The following HIVEP2 variants were observed in gnomAD, a reference collection of about 807,000 sequenced individuals.
HIVEP2 encodes transcription factor HIVEP2.
HIVEP2 carries 14 observed loss-of-function variants against 180.7 expected under a neutral mutation model. That is an observed-to-expected ratio of 0.08 (90% confidence interval 0.05 to 0.12). The LOEUF (loss-of-function observed/expected upper bound fraction) is 0.12. HIVEP2 is among the 10% of genes least tolerant of loss of function. The pLI is 1.00. For synonymous variants in HIVEP2, 1,184 were observed against 1,136.4 expected, an observed-to-expected ratio of 1.04 and a Z score of -0.84; for missense variants, 2,579 against 3,008.5, an observed-to-expected ratio of 0.86 and a Z score of 3.34.
Position 142,772,976 on chromosome 6 carries a change from C to A in HIVEP2, c.1763G>T (p.Arg588Leu). The change falls in exon 5 of 10, where the codon CGC becomes CTC. Residue 588 changes from arginine (R) to leucine (L), a missense_variant. By Grantham distance (102) the Arg-to-Leu change is moderately radical. Around this residue, in one of 11 missense-constraint regions of HIVEP2, gnomAD observed 524 missense variants for 563.6 expected, o/e 0.93. Transcript: ENST00000367603. This position sits in a 1 kb window ranked among gnomAD's most constrained non-coding sequence, Gnocchi z 4.9. ...AAATGCCGCTTGTCTTCTTAGCATG[C>A]GCTGAGGGGGTATGCCCACGGTCCC... is the stretch of plus-strand genomic sequence containing the variant. ...YPGTVGIPPQRMLRRQAAFEL... is the reference protein window; with the variant it reads ...YPGTVGIPPQLMLRRQAAFEL... 1.2e-6 allele frequency: 2 copies of A among 1,614,148 alleles called. No individual in the cohort carries two copies. The highest frequency in any genetic ancestry group is 8.5e-7 in the Non-Finnish European group (1 of 1,180,042).
Position 142,770,937 on chromosome 6 carries a change from G to T in HIVEP2, c.3802C>A (p.Pro1268Thr), listed in dbSNP as rs775832228. 5 of 1,614,082 alleles carry T rather than the reference G, an allele frequency of 3.1e-6. No homozygotes were observed. The highest frequency in any genetic ancestry group is 1.3e-5 in the African/African-American group (1 of 74,934). The change falls in exon 5 of 10, where the codon CCT becomes ACT. Residue 1268 changes from proline to threonine, a missense_variant. Pro to Thr is a conservative substitution (Grantham distance 38, BLOSUM62 -1). Transcript: ENST00000367603. This position sits in a 1 kb window ranked among gnomAD's most constrained non-coding sequence, Gnocchi z 4.7. ...TCTTTCGTGTGTGCATACTCAGCAG[G>T]TTTCTTTCCAGTGTGCTCTGCCACA... ...EHVAEHTGKK[P>T]AEYAHTKEQT...
chr6:142,915,849 C>CT (rs1490780535), intron 1 of HIVEP2, among the ~76,000 whole-genome samples: 5 of 152,212 alleles, frequency 3.3e-5, no homozygotes, highest in Non-Finnish European at 5.9e-5. Context: ...CTCCTATGAT[C>CT]AACTGACTAC....
intron 2 of HIVEP2, among the ~76,000 whole-genome samples, chr6:142,834,211 T>A (rs930482906): frequency 6.6e-6 from 1 of 152,054 alleles, no homozygotes; most frequent in Non-Finnish European, 1.5e-5. Context: ...AAAAAACATA[T>A]AAAGGCATAT....
intron 1 of HIVEP2, among the ~76,000 whole-genome samples, chr6:142,921,356 C>T (rs1361756181): frequency 1.3e-5 from 2 of 152,180 alleles, no homozygotes; most frequent in East Asian, 1.9e-4. Flanking sequence ...GCCAACATGG[C>T]GAAACCTGTC....
chr6:142,902,320 C>A (rs1231001544), intron 1 of HIVEP2, among the ~76,000 whole-genome samples: 1 of 145,326 alleles, frequency 6.9e-6, no homozygotes, highest in Non-Finnish European at 1.5e-5. Context: ...TGGTATTCTG[C>A]CCCCAAAACC....
chr6:142,779,026 A>T (rs1244786197), intron 3 of HIVEP2, among the ~76,000 whole-genome samples: 1 of 152,228 alleles, frequency 6.6e-6, no homozygotes, highest in Non-Finnish European at 1.5e-5. Context: ...TTAAGTATTA[A>T]TGAGAACAGC....
chr6:142,944,081 G>A (rs1778243220), intron 1 of HIVEP2, among the ~76,000 whole-genome samples: 1 of 152,138 alleles, frequency 6.6e-6, no homozygotes, highest in South Asian at 2.1e-4. Context: ...TTAGTTAGAT[G>A]CTTTTAAGTC....
In HIVEP2 at chr6:142,769,571, G is replaced by A. The variant is rs1449961745; in HGVS notation, c.5168C>T (p.Ala1723Val). Residue 1723 changes from alanine (A) to valine (V), a missense_variant, in exon 5 of 10, where the codon GCT (alanine) becomes GTT (valine). Around this residue, in one of 11 missense-constraint regions of HIVEP2, gnomAD observed 349 missense variants for 367.2 expected, o/e 0.95. Coordinates refer to ENST00000367603, the MANE Select transcript of HIVEP2 (RefSeq NM_006734.4). ...PGTGKLTSSS[A>V]WKQFTQMKPD... ...TGTTACCTGAGTAAACTGCTTCCAA[G>A]CACTTGATGATGTAAGCTTGCCGGT... 1 of 1,614,008 alleles carries A rather than the reference G, an allele frequency of 6.2e-7. No homozygotes were observed. The highest frequency in any genetic ancestry group is 2.2e-5 in the East Asian group (1 of 44,882).
intron 1 of HIVEP2, among the ~76,000 whole-genome samples, chr6:142,864,197 T>C (rs1364172902): frequency 6.6e-6 from 1 of 152,132 alleles, no homozygotes; most frequent in Non-Finnish European, 1.5e-5. Flanking sequence ...AACTAAAACC[T>C]GCCTTGGCTC....
At position 142,771,640 on chromosome 6, in the gene HIVEP2, C is replaced by G; in HGVS notation, c.3099G>C (p.Glu1033Asp). The change falls in exon 5 of 10, where the codon GAG becomes GAC. Residue 1033 changes from glutamate (E) to aspartate (D), a missense_variant. Physicochemically the swap from Glu to Asp is conservative, Grantham distance 45 (BLOSUM62 2). Coordinates refer to ENST00000367603, the MANE Select transcript of HIVEP2 (RefSeq NM_006734.4). This position sits in a 1 kb window ranked among gnomAD's most constrained non-coding sequence, Gnocchi z 5.4. ...CCGCTGGGTGAGGACAAGGCATCTG[C>G]TCTGATGAGCAGCGTCGCATCTCTT... Reference protein sequence around the residue: ...HQKEMRRCSSEQMPCPHPAEV... With the variant: ...HQKEMRRCSSDQMPCPHPAEV... 6.2e-7 allele frequency: 1 copy of G among 1,614,220 alleles called. No individual in the cohort carries two copies. The highest frequency in any genetic ancestry group is 8.5e-7 in the Non-Finnish European group (1 of 1,180,048).
rs34302526 is a variant in HIVEP2 at position 142,934,652 on chromosome 6, TAA to T, written c.-641+10445_-641+10446del. Among the ~76,000 whole-genome samples the T allele has an allele frequency of 4.4e-3, 673 of 152,218 alleles. 8 individuals carry two copies. The highest frequency in any genetic ancestry group is 0.016 in the African/African-American group (645 of 41,518). Reference sequence around the variant, plus strand: ...TAAGCATCAGCAGAAGAAAGAAAAATAAGTTTGATAACTATTCCATGGATAAT... The same window carrying T: ...TAAGCATCAGCAGAAGAAAGAAAAATGTTTGATAACTATTCCATGGATAAT... On this transcript the variant is annotated intron_variant, in intron 1 of 9. Transcript: ENST00000367603.
In HIVEP2 at chr6:142,771,218, G is replaced by T. The variant is rs760522914; in HGVS notation, c.3521C>A (p.Pro1174Gln). ...QESLRNPLIQ[P>Q]TSYMTSKHLP... ...GTGCTTGCTTGTCATATAGGATGTT[G>T]GTTGGATCAAGGGATTTCTCAAAGA... is the stretch of plus-strand genomic sequence containing the variant. The change falls in exon 5 of 10, where the codon CCA becomes CAA. Residue 1174 changes from proline to glutamine, a missense_variant. By Grantham distance (76) the Pro-to-Gln change is moderately conservative. Around this residue, in one of 11 missense-constraint regions of HIVEP2, gnomAD observed 523 missense variants for 577.0 expected, o/e 0.91. Transcript: ENST00000367603. This position sits in a 1 kb window ranked among gnomAD's most constrained non-coding sequence, Gnocchi z 5.4. The T allele has an allele frequency of 6.2e-7, 1 of 1,614,216 alleles. No homozygotes were observed. Among genetic ancestry groups the T allele is most frequent in the East Asian group, 2.2e-5 (1 of 44,888 alleles).
At chr6:142,820,043 A>T (rs1420850120) in intron 2 of HIVEP2, among the ~76,000 whole-genome samples, 1 of 152,176 alleles carries the variant, frequency 6.6e-6, no homozygotes, top group Non-Finnish European at 1.5e-5. Context: ...CTGGGCTCAC[A>T]CACAGTTCAG....
intron 1 of HIVEP2, among the ~76,000 whole-genome samples, chr6:142,894,102 G>T (rs1467244794): frequency 6.6e-6 from 1 of 152,180 alleles, no homozygotes; most frequent in Non-Finnish European, 1.5e-5. Context: ...ATTGCTTATA[G>T]TTATATAATC....
chr6:142,754,319 A>AT (rs398110782), intron 9 of HIVEP2, among the ~76,000 whole-genome samples: 93,971 of 151,324 alleles, frequency 0.62, 29,227 homozygotes, highest in East Asian at 0.66. Flanking sequence ...CATTAATAAT[A>AT]TTTTTTTTAA....
intron 1 of HIVEP2, among the ~76,000 whole-genome samples, chr6:142,924,151 T>A (rs185566454): frequency 8.5e-5 from 13 of 152,378 alleles, no homozygotes; most frequent in African/African-American, 3.1e-4. Flanking sequence ...AGTGGTTTTT[T>A]AATTTAATAA....
chr6:142,926,548 G>C (rs1034521884), intron 1 of HIVEP2, among the ~76,000 whole-genome samples: 3 of 152,230 alleles, frequency 2.0e-5, no homozygotes, highest in Non-Finnish European at 4.4e-5. Context: ...AATGACAAAC[G>C]GACTCAGGCC....
intron 2 of HIVEP2, among the ~76,000 whole-genome samples, chr6:142,835,200 T>A (rs551612309): frequency 1.3e-5 from 2 of 152,256 alleles, no homozygotes; most frequent in South Asian, 2.1e-4. Flanking sequence ...CTAAGCAGCA[T>A]CCTTATTTAA....
At chr6:142,934,725 C>A (rs1778014171) in intron 1 of HIVEP2, among the ~76,000 whole-genome samples, 1 of 152,202 alleles carries the variant, frequency 6.6e-6, no homozygotes, top group Non-Finnish European at 1.5e-5. Context: ...ACTGGACCAG[C>A]CATCAAGACC....
Sources: allele counts gnomAD v4.1 joint callset (sites outside exome capture counted in the v4.1 genomes callset), GRCh38; gene constraint gnomAD v4.1.1; regional missense constraint gnomAD v4.1.1; non-coding constraint Gnocchi (gnomAD v3.1); transcripts MANE v1.5; gene names NCBI Gene and HGNC (gene_info 2026-07-23, HGNC 2026-07-21).